Variants in AKAP7 observed in about 807,000 individuals in gnomAD.
AKAP7 encodes the protein A kinase (PRKA) anchor protein 7.
Under a neutral mutation model 39.5 loss-of-function variants are expected in AKAP7, and 39 were observed. The observed-to-expected ratio is 0.99, with a 90% CI of 0.76 to 1.29. The LOEUF is 1.29. Among genes scored for constraint, AKAP7 ranks in the 50% most tolerant of loss-of-function variants. The pLI, the probability that AKAP7 is intolerant of heterozygous loss-of-function variation, is 0.00. For synonymous variants in AKAP7, 140 were observed against 139.1 expected (o/e 1.01, Z -0.05); for missense variants, 414 against 407.7 (o/e 1.02, Z -0.13).
intron 7 of AKAP7, among the ~76,000 whole-genome samples, chr6:131,273,720 T>C (rs752757313): frequency 6.6e-6 from 1 of 152,190 alleles, no homozygotes; most frequent in African/African-American, 2.4e-5. Context: ...TATTTTTACT[T>C]ACGTATGTAC....
chr6:131,266,956 C>A (rs951662189), intron 7 of AKAP7, among the ~76,000 whole-genome samples: 1 of 152,086 alleles, frequency 6.6e-6, no homozygotes, highest in Non-Finnish European at 1.5e-5. Flanking sequence ...CCTGGAGTTT[C>A]ATGTTCAGAC....
intron 2 of AKAP7, among the ~76,000 whole-genome samples, chr6:131,147,518 A>G (rs1464427379): frequency 6.6e-6 from 1 of 152,216 alleles, no homozygotes; most frequent in East Asian, 1.9e-4. Flanking sequence ...TCACTGAAGA[A>G]TTTTCATACC....
intron 4 of AKAP7, among the ~76,000 whole-genome samples, chr6:131,166,788 T>G (rs1803542101): frequency 6.6e-6 from 1 of 152,200 alleles, no homozygotes; most frequent in South Asian, 2.1e-4. Flanking sequence ...GAACAATTTA[T>G]TAAAAGTCTC....
At chr6:131,156,965 C>T (rs938615200) in intron 2 of AKAP7, among the ~76,000 whole-genome samples, 5 of 151,854 alleles carry the variant, frequency 3.3e-5, no homozygotes, top group African/African-American at 7.2e-5. Context: ...TTAGTAGAGA[C>T]GGGGTTTCAC....
At chr6:131,215,098 G>A (rs1008663930) in intron 6 of AKAP7, among the ~76,000 whole-genome samples, 2 of 151,346 alleles carry the variant, frequency 1.3e-5, no homozygotes, top group African/African-American at 4.8e-5. Flanking sequence ...TAATACAGAT[G>A]ATAGATGGCA....
chr6:131,179,772 G>A (rs982663116), intron 5 of AKAP7, among the ~76,000 whole-genome samples: 5 of 152,102 alleles, frequency 3.3e-5, no homozygotes, highest in Non-Finnish European at 7.4e-5. Context: ...AGATGGCTGA[G>A]GTGGAAGGAT....
intron 5 of AKAP7, among the ~76,000 whole-genome samples, chr6:131,171,672 G>A (rs533825035): frequency 1.3e-5 from 2 of 152,276 alleles, no homozygotes; most frequent in East Asian, 3.9e-4. Flanking sequence ...AGCTGCATTT[G>A]GGATGAGTGC....
At chr6:131,196,233 A>G (rs1562203970) in intron 5 of AKAP7, among the ~76,000 whole-genome samples, 1 of 148,488 alleles carries the variant, frequency 6.7e-6, no homozygotes, top group Non-Finnish European at 1.5e-5. Flanking sequence ...CCTGTTATTA[A>G]GAGATTCTAA....
intron 5 of AKAP7, among the ~76,000 whole-genome samples, chr6:131,192,951 A>AT (rs1202067937): frequency 2.6e-5 from 4 of 152,052 alleles, no homozygotes; most frequent in South Asian, 2.1e-4. Context: ...ACTTTACTGA[A>AT]TTTTTTTCAC....
intron 7 of AKAP7, among the ~76,000 whole-genome samples, chr6:131,260,313 T>A (rs1432601203): frequency 6.6e-6 from 1 of 152,188 alleles, no homozygotes; most frequent in African/African-American, 2.4e-5. Context: ...TTTTTGGGCA[T>A]ATACCCAGTA....
chr6:131,173,998 G>A lies in AKAP7; in HGVS notation c.589+4725G>A, dbSNP rs564318284. On this transcript the variant is annotated intron_variant, in intron 5 of 7. Coordinates refer to ENST00000431975, the MANE Select transcript of AKAP7 (RefSeq NM_016377.4). Reference sequence around the variant, plus strand: ...CCAGCTTTAATATGAATATAAGCCCGAAGATGTTGGTTTGTTGTTACTGCT... The same window carrying A: ...CCAGCTTTAATATGAATATAAGCCCAAAGATGTTGGTTTGTTGTTACTGCT... 3.9e-5 allele frequency among the ~76,000 whole-genome samples: 6 copies of A among 152,156 alleles called. No individual in the cohort carries two copies. The South Asian group carries it at 6.2e-4, about 16-fold the overall frequency.
At chr6:131,239,026 G>C (rs1279148326) in intron 7 of AKAP7, among the ~76,000 whole-genome samples, 1 of 152,216 alleles carries the variant, frequency 6.6e-6, no homozygotes, top group African/African-American at 2.4e-5. Context: ...AATTTGGCAT[G>C]TTTTTGCAGT....
Position 131,281,785 on chromosome 6 carries a change from T to TCTAG in AKAP7, c.*60_*63dup. 1 of 1,470,998 alleles carries TCTAG rather than the reference T, an allele frequency of 6.8e-7. No homozygotes were observed. The highest frequency in any genetic ancestry group is 9.0e-7 in the Non-Finnish European group (1 of 1,110,300). 91.1% of individuals were successfully genotyped at this position (1,470,998 alleles called of 1,614,324 possible). ...AGCCTCCCTGCTTCCCTCTGCTGAG[T>TCTAG]CTAGGGACTGACTTGCAGCGTGCTG... is the stretch of plus-strand genomic sequence containing the variant. On this transcript the variant is annotated 3_prime_UTR_variant, in exon 8 of 8. Coordinates refer to ENST00000431975, the MANE Select transcript of AKAP7 (RefSeq NM_016377.4). This position sits in a 1 kb window ranked among gnomAD's most constrained non-coding sequence, Gnocchi z 4.0.
intron 5 of AKAP7, among the ~76,000 whole-genome samples, chr6:131,182,785 C>T (rs778834835): frequency 6.6e-6 from 1 of 152,030 alleles, no homozygotes; most frequent in Non-Finnish European, 1.5e-5. Flanking sequence ...GGCTCCAACA[C>T]TTGTTATTTT....
chr6:131,178,520 A>G (rs1295061698), intron 5 of AKAP7, among the ~76,000 whole-genome samples: 1 of 152,200 alleles, frequency 6.6e-6, no homozygotes, highest in African/African-American at 2.4e-5. Flanking sequence ...CCACTCTGCC[A>G]TTCATAAGCA....
intron 7 of AKAP7, among the ~76,000 whole-genome samples, chr6:131,238,482 A>G (rs1811270686): frequency 6.6e-6 from 1 of 152,160 alleles, no homozygotes; most frequent in Non-Finnish European, 1.5e-5. Context: ...TGTCTCATTG[A>G]TCTGTCTAAT....
At chr6:131,249,219 T>C (rs1812254211) in intron 7 of AKAP7, among the ~76,000 whole-genome samples, 1 of 152,188 alleles carries the variant, frequency 6.6e-6, no homozygotes, top group African/African-American at 2.4e-5. Flanking sequence ...CTGTGACATA[T>C]AAAAACAACT....
At chr6:131,198,959 C>G (rs546453439) in intron 5 of AKAP7, among the ~76,000 whole-genome samples, 2 of 152,284 alleles carry the variant, frequency 1.3e-5, no homozygotes, top group Non-Finnish European at 2.9e-5. Flanking sequence ...GGGCTGGACT[C>G]TATCTGTTTC....
At chr6:131,178,416 A>G (rs1804780900) in intron 5 of AKAP7, among the ~76,000 whole-genome samples, 1 of 152,232 alleles carries the variant, frequency 6.6e-6, no homozygotes, top group Non-Finnish European at 1.5e-5. Flanking sequence ...ATTATTATTA[A>G]TGATAAATAC....
Sources: allele counts gnomAD v4.1 joint callset (sites outside exome capture counted in the v4.1 genomes callset), GRCh38; gene constraint gnomAD v4.1.1; non-coding constraint Gnocchi (gnomAD v3.1); transcripts MANE v1.5; gene names NCBI Gene and HGNC (gene_info 2026-07-23, HGNC 2026-07-21).